CIT: variants seen among roughly 807,000 people sequenced by gnomAD.
The protein encoded by CIT is citron rho-interacting serine/threonine kinase, also known as citron Rho-interacting kinase.
CIT carries 79 observed loss-of-function variants against 272.7 expected under a neutral mutation model. The observed-to-expected ratio is 0.29, with a 90% CI of 0.24 to 0.35. The LOEUF is 0.35. CIT is among the 10% of genes least tolerant of loss of function. The pLI, the probability that CIT is intolerant of heterozygous loss-of-function variation, is 1.00. For missense variants in CIT, 1,909 were observed against 2,618.3 expected (o/e 0.73, Z 5.91); for synonymous variants, 948 against 995.6 (o/e 0.95, Z 0.90).
chr12:119,851,915 C>T (rs1306641639), intron 4 of CIT, among the ~76,000 whole-genome samples: 1 of 152,130 alleles, frequency 6.6e-6, no homozygotes, highest in African/African-American at 2.4e-5. Context: ...CGCTTACAGT[C>T]CCAGTTACTC....
chr12:119,740,869 C>T (rs1305187725), intron 24 of CIT, among the ~76,000 whole-genome samples: 2 of 152,166 alleles, frequency 1.3e-5, no homozygotes, highest in Non-Finnish European at 2.9e-5. Context: ...AATCCACAGA[C>T]ATTTTAAGGC....
Position 119,718,440 on chromosome 12 carries a change from T to A in CIT, c.4004-31A>T. ...GAGAGACCAGGACAATGCCTTTTGG[T>A]TAGCTGGGTCGCCTAGAGGACCAAA... On this transcript the variant is annotated intron_variant, in intron 31 of 47. Transcript: ENST00000392521. This position sits in a 1 kb window ranked among gnomAD's most constrained non-coding sequence, Gnocchi z 4.8. 6.3e-7 allele frequency: 1 copy of A among 1,583,574 alleles called. No individual in the cohort carries two copies. Among genetic ancestry groups the A allele is most frequent in the Non-Finnish European group, 8.6e-7 (1 of 1,162,002 alleles).
At chr12:119,785,754 AT>A (rs1330150610) in intron 10 of CIT, among the ~76,000 whole-genome samples, 2 of 151,846 alleles carry the variant, frequency 1.3e-5, no homozygotes, top group Non-Finnish European at 2.9e-5. Context: ...TAATTTTTGT[AT>A]TTTTAGTAGA....
intron 14 of CIT, 73 bp downstream of exon 14, chr12:119,776,599 G>C (rs1963771295): frequency 1.4e-6 from 2 of 1,444,998 alleles, no homozygotes; most frequent in East Asian, 2.3e-5. Flanking sequence ...CATTAAACTA[G>C]GTTCTCCTTT....
At chr12:119,866,443 G>A (rs924333298) in intron 3 of CIT, among the ~76,000 whole-genome samples, 10 of 152,202 alleles carry the variant, frequency 6.6e-5, no homozygotes, top group African/African-American at 2.4e-4. Flanking sequence ...GTAGCTCAGA[G>A]GTCAGCAAGC....
intron 3 of CIT, among the ~76,000 whole-genome samples, chr12:119,862,903 A>G (rs1484051267): frequency 6.7e-6 from 1 of 149,240 alleles, no homozygotes; most frequent in Non-Finnish European, 1.5e-5. Context: ...ACTTCCCTAA[A>G]AAAGAGGCTG....
rs1430075109 is a variant in CIT, at chr12:119,768,524, T to C, written c.2209-1342A>G. ...ATAAAATGGAGGTGAAAAAGTACTTTGAGATTCACACACACTTAAAATGTT... is the reference window on the plus strand; with the variant it reads ...ATAAAATGGAGGTGAAAAAGTACTTCGAGATTCACACACACTTAAAATGTT... On this transcript the variant is annotated intron_variant, in intron 18 of 47. Coordinates refer to ENST00000392521, the MANE Select transcript of CIT (RefSeq NM_001206999.2). The surrounding 1 kb of genome is among the most constrained non-coding windows in gnomAD (Gnocchi z 4.3). Among the ~76,000 whole-genome samples, 1 of 152,210 alleles carries C rather than the reference T, an allele frequency of 6.6e-6. No individual in the cohort carries two copies. Among genetic ancestry groups the C allele is most frequent in the Non-Finnish European group, 1.5e-5 (1 of 68,044 alleles).
chr12:119,800,466 G>A (rs375940888), intron 10 of CIT, among the ~76,000 whole-genome samples: 6 of 152,148 alleles, frequency 3.9e-5, no homozygotes, highest in Admixed American at 2.0e-4. Context: ...CCCAAAAAAC[G>A]AGGAGCTATC....
intron 4 of CIT, among the ~76,000 whole-genome samples, chr12:119,854,487 A>C (rs1244263384): frequency 6.6e-6 from 1 of 151,734 alleles, no homozygotes; most frequent in African/African-American, 2.4e-5. Context: ...AAAAGATACA[A>C]AAAACATTAG....
intron 2 of CIT, among the ~76,000 whole-genome samples, chr12:119,873,991 A>T (rs1458848148): frequency 6.6e-6 from 1 of 152,184 alleles, no homozygotes; most frequent in Non-Finnish European, 1.5e-5. Flanking sequence ...CTTTAAATCG[A>T]ATATCTCATC....
chr12:119,769,510 C>G (rs1015125934), intron 18 of CIT, among the ~76,000 whole-genome samples: 1 of 152,154 alleles, frequency 6.6e-6, no homozygotes, highest in Non-Finnish European at 1.5e-5. Context: ...CACCATTAAA[C>G]AGAGAAACAC....
chr12:119,720,962 C>T (rs1317019818), intron 29 of CIT, among the ~76,000 whole-genome samples: 2 of 152,014 alleles, frequency 1.3e-5, no homozygotes, highest in African/African-American at 4.8e-5. Context: ...CCTCTGCAGA[C>T]TTATTTATTT....
rs201127935 is a variant in CIT at position 119,852,700 on chromosome 12, C to CAA, written c.415-2427_415-2426dup. On this transcript the variant is annotated intron_variant, in intron 4 of 47. Coordinates refer to ENST00000392521, the MANE Select transcript of CIT (RefSeq NM_001206999.2). ...TGGGTGACAGAGTGAGACTCTGTCT[C>CAA]AAAAAAAAAACAAAAACAAAAACTG... Among the ~76,000 whole-genome samples the CAA allele has an allele frequency of 6.3e-5, 8 of 127,292 alleles. No individual in the cohort carries two copies. In the South Asian group the frequency reaches 1.2e-3, roughly 19 times the overall value. The allele number at this position is 127,292 out of a possible 152,430, so 83.5% of individuals were successfully genotyped here.
chr12:119,773,352 TTATC>T (rs1963389604), intron 16 of CIT, among the ~76,000 whole-genome samples: 1 of 152,244 alleles, frequency 6.6e-6, no homozygotes, highest in Non-Finnish European at 1.5e-5. Context: ...CTTATTTTAA[TTATC>T]TCATTTGTTA....
intron 10 of CIT, among the ~76,000 whole-genome samples, chr12:119,798,227 TC>T (rs1264816927): frequency 4.6e-5 from 7 of 152,088 alleles, no homozygotes; most frequent in Non-Finnish European, 1.0e-4. Flanking sequence ...GCCTGTCAGC[TC>T]CCATCACACC....
intron 19 of CIT, among the ~76,000 whole-genome samples, chr12:119,762,856 T>G (rs748253812): frequency 6.6e-6 from 1 of 152,076 alleles, no homozygotes; most frequent in Non-Finnish European, 1.5e-5. Flanking sequence ...CTGGGCAACA[T>G]AGCAAGACCC....
chr12:119,740,759 A>G (rs1315428185), intron 24 of CIT, among the ~76,000 whole-genome samples: 1 of 152,234 alleles, frequency 6.6e-6, no homozygotes. Flanking sequence ...ATTCTTGTGT[A>G]AAATAAGAAA....
intron 40 of CIT, 94 bp downstream of exon 40, chr12:119,708,085 C>T: frequency 7.6e-7 from 1 of 1,309,068 alleles, no homozygotes; most frequent in African/African-American, 1.5e-5. Flanking sequence ...TAAGTTGACA[C>T]TATCTTGAAG....
intron 15 of CIT, 119 bp from the exon 16 acceptor site, chr12:119,775,958 A>T (rs752344270): frequency 2.6e-6 from 2 of 761,692 alleles, no homozygotes; most frequent in Non-Finnish European, 4.3e-6. Flanking sequence ...GGGTTTCCAG[A>T]ACCTATTAAG....
Sources: gnomAD v4.1 joint callset for allele counts (sites outside exome capture counted in the v4.1 genomes callset) on GRCh38, gnomAD v4.1.1 for gene constraint, Gnocchi (gnomAD v3.1) non-coding constraint, MANE v1.5 for transcripts, NCBI Gene and HGNC (gene_info 2026-07-23, HGNC 2026-07-21) for gene names.